Variants in TM4SF19 observed in about 807,000 individuals in gnomAD.
TM4SF19 encodes the protein transmembrane 4 L six family member 19, also known as transmembrane 4 L6 family member 19.
In TM4SF19, 17 loss-of-function variants were observed where a neutral mutation model predicts 21.8. The observed-to-expected ratio is 0.78, with a 90% CI of 0.53 to 1.17. The LOEUF is 1.17. TM4SF19 is among the 50% of genes most tolerant of loss of function. The pLI is 0.00. For synonymous variants in TM4SF19, 107 were observed against 106.7 expected (o/e 1.00, Z -0.02); for missense variants, 216 against 252.1 (o/e 0.86, Z 0.97).
chr3:196,334,800 A>T (rs1577413180), intron 1 of TM4SF19, among the ~76,000 whole-genome samples: 1 of 134,280 alleles, frequency 7.4e-6, no homozygotes, highest in Admixed American at 7.8e-5. Context: ...GTGCCCTGGG[A>T]GGGTGGGGGT....
At chr3:196,336,112 G>GT (rs58756050) in intron 1 of TM4SF19, among the ~76,000 whole-genome samples, 6,248 of 150,936 alleles carry the variant, frequency 0.041, 178 homozygotes, top group Non-Finnish European at 0.061. Context: ...AGAAAAGTCT[G>GT]TTTTTTTTGT....
intron 1 of TM4SF19, among the ~76,000 whole-genome samples, chr3:196,333,804 A>G (rs1425993237): frequency 6.6e-6 from 1 of 152,170 alleles, no homozygotes; most frequent in Admixed American, 6.5e-5. Context: ...GTTCACGCCT[A>G]TAATCCCAGC....
In TM4SF19 at chr3:196,333,137, C is replaced by T. The variant is rs142687518; in HGVS notation, c.-2+5127G>A. On this transcript the variant is annotated intron_variant, in intron 1 of 4. Coordinates refer to ENST00000273695, the MANE Select transcript of TM4SF19 (RefSeq NM_138461.4). ...TGTTGGGATTACAGGCGTAAGCCAC[C>T]ACGCCCAGTCCCAATTTACTTTTGA... Among the ~76,000 whole-genome samples, 40 of 152,304 alleles carry T rather than the reference C, an allele frequency of 2.6e-4. No individual in the cohort carries two copies. The East Asian group carries it at 7.1e-3, about 27-fold the overall frequency.
At position 196,323,870 on chromosome 3, in the gene TM4SF19, C is replaced by T. The variant is rs752558879; in HGVS notation, c.577G>A (p.Val193Ile). The T allele has an allele frequency of 1.2e-5, 19 of 1,614,148 alleles. No homozygotes were observed. Among genetic ancestry groups the T allele is most frequent in the East Asian group, 4.5e-5 (2 of 44,890 alleles). Residue 193 changes from valine to isoleucine, a missense_variant, in exon 5 of 5, where the codon GTT becomes ATT. Transcript: ENST00000273695. ...CCCAGGAGGCTGTTGATGACATGAA[C>T]GACCACCAGGAGAAGCTGGAGCAGG... ...ISLLQLLLVV[V>I]HVINSLLGLF...
chr3:196,333,324 C>T (rs1423646107), intron 1 of TM4SF19, among the ~76,000 whole-genome samples: 1 of 152,128 alleles, frequency 6.6e-6, no homozygotes, highest in East Asian at 1.9e-4. Flanking sequence ...CTGTACTATG[C>T]TTTTTCCTAT....
chr3:196,324,495 C>G, intron 3 of TM4SF19, 55 bp from the exon 4 acceptor site: 1 of 1,586,202 alleles, frequency 6.3e-7, no homozygotes, highest in Non-Finnish European at 8.6e-7. Context: ...GGGGAGCCTG[C>G]GGAGGGAGGA....
At chr3:196,336,496 G>A (rs1321046386) in intron 1 of TM4SF19, among the ~76,000 whole-genome samples, 3 of 152,212 alleles carry the variant, frequency 2.0e-5, no homozygotes, top group Non-Finnish European at 2.9e-5. Flanking sequence ...ACTACCAGCT[G>A]GAGCATGGCT....
In TM4SF19 at chr3:196,326,942, A is replaced by C. The variant is rs1209470473; in HGVS notation, c.279+13T>G. On this transcript the variant is annotated intron_variant, in intron 3 of 4. Transcript: ENST00000273695. Reference sequence around the variant, plus strand: ...ACATTCTGGGTGTTAGAAGAGTGGAATCTGGTGCTTACGCTTCGACAGAGC... The same window carrying C: ...ACATTCTGGGTGTTAGAAGAGTGGACTCTGGTGCTTACGCTTCGACAGAGC... 3.1e-6 allele frequency: 5 copies of C among 1,602,928 alleles called. No individual in the cohort carries two copies. The African/African-American group carries it at 6.7e-5, about 21-fold the overall frequency.
intron 1 of TM4SF19, among the ~76,000 whole-genome samples, chr3:196,332,411 G>C (rs905222870): frequency 7.3e-6 from 1 of 136,764 alleles, no homozygotes; most frequent in Non-Finnish European, 1.6e-5. Flanking sequence ...AAAAGAGAGA[G>C]AGAGAGAGGA....
intron 1 of TM4SF19, among the ~76,000 whole-genome samples, chr3:196,337,341 C>T (rs1262819876): frequency 6.6e-6 from 1 of 152,098 alleles, no homozygotes; most frequent in Non-Finnish European, 1.5e-5. Flanking sequence ...GAGAGGGCCT[C>T]TACCCCAGTA....
intron 1 of TM4SF19, among the ~76,000 whole-genome samples, chr3:196,332,542 CTATA>C (rs1255107563): frequency 2.0e-5 from 3 of 151,364 alleles, no homozygotes; most frequent in East Asian, 1.9e-4. Flanking sequence ...ATCAGAGGCT[CTATA>C]TATATGCACA....
chr3:196,335,706 G>A (rs1215790566), intron 1 of TM4SF19, among the ~76,000 whole-genome samples: 20 of 151,936 alleles, frequency 1.3e-4, no homozygotes, highest in Non-Finnish European at 2.9e-5. Context: ...TCCTGCTCCT[G>A]GGAGCAGGGC....
At chr3:196,334,381 CTT>C (rs529810285) in intron 1 of TM4SF19, among the ~76,000 whole-genome samples, 1 of 145,916 alleles carries the variant, frequency 6.9e-6, no homozygotes. Flanking sequence ...TTTTCTTTTT[CTT>C]TTTTTTTTTG....
At chr3:196,328,727 T>C (rs1222554268) in intron 1 of TM4SF19, among the ~76,000 whole-genome samples, 6 of 152,154 alleles carry the variant, frequency 3.9e-5, no homozygotes, top group South Asian at 2.1e-4. Flanking sequence ...GTTATAGAAA[T>C]TGACAAACTG....
intron 1 of TM4SF19, among the ~76,000 whole-genome samples, chr3:196,332,427 A>AGAGG (rs376375633): frequency 2.5e-5 from 3 of 120,834 alleles, no homozygotes; most frequent in East Asian, 2.7e-4. Flanking sequence ...GAGGAGGGAG[A>AGAGG]GAGGGAGGGA....
intron 1 of TM4SF19, among the ~76,000 whole-genome samples, chr3:196,330,153 GT>G (rs35812853): frequency 0.38 from 57,066 of 151,458 alleles, 11,491 homozygotes; most frequent in East Asian, 0.82. Context: ...TGGTTTTGGG[GT>G]TTTTTTAGAG....
intron 1 of TM4SF19, among the ~76,000 whole-genome samples, chr3:196,327,999 A>G (rs1727367481): frequency 6.6e-6 from 1 of 152,178 alleles, no homozygotes; most frequent in Non-Finnish European, 1.5e-5. Context: ...CACAGATAGG[A>G]AAGAAAGAAG....
intron 1 of TM4SF19, among the ~76,000 whole-genome samples, chr3:196,336,047 C>T (rs1727744515): frequency 1.3e-5 from 2 of 152,174 alleles, no homozygotes; most frequent in Non-Finnish European, 2.9e-5. Flanking sequence ...ACCGTCTACA[C>T]ACTTCAGCAA....
At chr3:196,326,161 G>A (rs1048309434) in intron 3 of TM4SF19, among the ~76,000 whole-genome samples, 3 of 152,114 alleles carry the variant, frequency 2.0e-5, no homozygotes, top group African/African-American at 7.2e-5. Context: ...TTTTGGTAGA[G>A]ACGGGGTTTC....
Sources: allele counts gnomAD v4.1 joint callset (sites outside exome capture counted in the v4.1 genomes callset), GRCh38; gene constraint gnomAD v4.1.1; transcripts MANE v1.5; gene names NCBI Gene and HGNC (gene_info 2026-07-23, HGNC 2026-07-21).